VAV2: variants seen among roughly 807,000 people sequenced by gnomAD.
VAV2 encodes the protein vav guanine nucleotide exchange factor 2.
VAV2 carries 67 observed loss-of-function variants against 132.5 expected under a neutral mutation model. That is an observed-to-expected ratio of 0.51 (90% CI 0.42 to 0.62). VAV2 has a LOEUF of 0.62. VAV2 is among the 20% of genes least tolerant of loss of function. The probability of loss-of-function intolerance (pLI) is 0.00; values close to 1 mark genes in which losing one functional copy is unlikely to be tolerated. For missense variants in VAV2, 938 were observed against 1,153.6 expected, an observed-to-expected ratio of 0.81 and a Z score of 2.71; for synonymous variants, 492 against 443.5, an observed-to-expected ratio of 1.11 and a Z score of -1.37.
chr9:133,775,567 C>T (rs1833783318), intron 24 of VAV2, among the ~76,000 whole-genome samples: 2 of 152,144 alleles, frequency 1.3e-5, no homozygotes, highest in Non-Finnish European at 2.9e-5. Context: ...CAATGAAGCC[C>T]ACCCTGAGAG....
At chr9:133,858,434 A>G (rs1428338582) in intron 3 of VAV2, among the ~76,000 whole-genome samples, 2 of 152,144 alleles carry the variant, frequency 1.3e-5, no homozygotes, top group Non-Finnish European at 2.9e-5. Flanking sequence ...AGAAGGCTCT[A>G]TGGGGAGGGG....
intron 3 of VAV2, among the ~76,000 whole-genome samples, chr9:133,852,146 G>A (rs1159002401): frequency 1.3e-5 from 2 of 152,016 alleles, no homozygotes; most frequent in Admixed American, 6.6e-5. Context: ...TGGGTTGTAG[G>A]GTGCTTGAAT....
intron 13 of VAV2, among the ~76,000 whole-genome samples, chr9:133,790,069 T>A (rs968616643): frequency 6.6e-6 from 1 of 152,224 alleles, no homozygotes; most frequent in African/African-American, 2.4e-5. Flanking sequence ...TCCAGGCCTC[T>A]GATCTCAGCT....
intron 7 of VAV2, among the ~76,000 whole-genome samples, chr9:133,807,659 G>A (rs891226989): frequency 2.6e-5 from 4 of 152,216 alleles, no homozygotes; most frequent in Non-Finnish European, 5.9e-5. Context: ...AGACCCAGGA[G>A]GCAGGGCCAT....
chr9:133,874,121 C>G (rs1444494316), intron 2 of VAV2, among the ~76,000 whole-genome samples: 1 of 152,240 alleles, frequency 6.6e-6, no homozygotes, highest in Non-Finnish European at 1.5e-5. Flanking sequence ...GCCGCCCTGC[C>G]CTGGAGGGCC....
intron 12 of VAV2, among the ~76,000 whole-genome samples, chr9:133,792,940 G>C (rs1042429967): frequency 3.3e-5 from 5 of 152,102 alleles, no homozygotes; most frequent in Non-Finnish European, 7.4e-5. Flanking sequence ...CATCCTAATA[G>C]AGGGAAGCAG....
At chr9:133,770,148 G>A (rs2131566646) in intron 27 of VAV2, among the ~76,000 whole-genome samples, 1 of 152,356 alleles carries the variant, frequency 6.6e-6, no homozygotes, top group East Asian at 1.9e-4. Context: ...GGGTGAAGAA[G>A]CCAAGACACA....
At chr9:133,953,980 C>T (rs902584204) in intron 1 of VAV2, among the ~76,000 whole-genome samples, 2 of 152,134 alleles carry the variant, frequency 1.3e-5, no homozygotes, top group African/African-American at 4.8e-5. Context: ...CTTGCACAGG[C>T]AGGTGGCTCC....
Position 133,795,740 on chromosome 9 carries a change from G to C in VAV2, c.1033-4C>G, listed in dbSNP as rs751315434. On this transcript the variant is annotated splice_region_variant and splice_polypyrimidine_tract_variant and intron_variant, in intron 11 of 29. Transcript: ENST00000371850. ...CCGCAGAATGGCTCAGAAGCTCCTG[G>C]AAGGGTGAGAAGAGTGTCATGTGTT... 3.7e-6 allele frequency: 6 copies of C among 1,613,500 alleles called. No homozygotes were observed. Among genetic ancestry groups the C allele is most frequent in the Non-Finnish European group, 4.2e-6 (5 of 1,179,474 alleles).
chr9:133,929,798 G>T (rs949134888), intron 2 of VAV2, among the ~76,000 whole-genome samples: 1 of 152,048 alleles, frequency 6.6e-6, no homozygotes, highest in African/African-American at 2.4e-5. Flanking sequence ...TGTCCCCACT[G>T]CCAGTGCCCC....
At chr9:133,816,266 A>G (rs1434547543) in intron 4 of VAV2, among the ~76,000 whole-genome samples, 1 of 152,174 alleles carries the variant, frequency 6.6e-6, no homozygotes, top group Non-Finnish European at 1.5e-5. Flanking sequence ...CCCAGTCTCT[A>G]GCTTGGCTAT....
Position 133,769,308 on chromosome 9 carries a change from C to A in VAV2, c.2434+109G>T. 1 of 1,223,518 alleles carries A rather than the reference C, an allele frequency of 8.2e-7. No individual in the cohort carries two copies. The highest frequency in any genetic ancestry group is 2.6e-5 in the East Asian group (1 of 39,008). 75.8% of individuals were successfully genotyped at this position (1,223,518 alleles called of 1,614,324 possible). A position where few individuals can be genotyped will look rare whatever the true frequency, so the allele number is the denominator to read the frequency against. Reference sequence around the variant, plus strand: ...CCACCCAGTGCCAGACTGCGGACAACTGTGGCCACGTCAGGCAGGGCTGTG... The same window carrying A: ...CCACCCAGTGCCAGACTGCGGACAAATGTGGCCACGTCAGGCAGGGCTGTG... On this transcript the variant is annotated intron_variant, in intron 28 of 29. Transcript: ENST00000371850. This position sits in a 1 kb window ranked among gnomAD's most constrained non-coding sequence, Gnocchi z 8.1.
intron 1 of VAV2, among the ~76,000 whole-genome samples, chr9:133,990,497 C>G (rs1420834508): frequency 6.6e-6 from 1 of 152,186 alleles, no homozygotes; most frequent in Non-Finnish European, 1.5e-5. Flanking sequence ...CCAGGCAAGG[C>G]TGGGCTCCTC....
rs1230467415 is a variant in VAV2 at position 133,918,575 on chromosome 9, G to A, written c.321+20528C>T. Among the ~76,000 whole-genome samples the A allele has an allele frequency of 6.6e-6, 1 of 151,760 alleles. No individual in the cohort carries two copies. Among genetic ancestry groups the A allele is most frequent in the African/African-American group, 2.4e-5 (1 of 41,170 alleles). ...ATTCGTTCCTGCCTCACAACTCCAC[G>A]TGGCTGATACTGTTATGTCCATTTC... On this transcript the variant is annotated intron_variant, in intron 2 of 29. Coordinates refer to ENST00000371850, the MANE Select transcript of VAV2 (RefSeq NM_001134398.2). The surrounding 1 kb of genome is among the most constrained non-coding windows in gnomAD (Gnocchi z 4.7).
chr9:133,890,115 T>A (rs1196797212), intron 2 of VAV2, among the ~76,000 whole-genome samples: 4 of 150,644 alleles, frequency 2.7e-5, no homozygotes. Context: ...CAGGCAGGAG[T>A]GGCAGCCAGG....
intron 1 of VAV2, among the ~76,000 whole-genome samples, chr9:133,965,876 C>T (rs1015955286): frequency 6.6e-6 from 1 of 152,146 alleles, no homozygotes; most frequent in African/African-American, 2.4e-5. Context: ...TACCTGACTT[C>T]AAAACACACT....
At chr9:133,917,208 C>T (rs925865276) in intron 2 of VAV2, among the ~76,000 whole-genome samples, 22 of 152,280 alleles carry the variant, frequency 1.4e-4, no homozygotes, top group Admixed American at 5.2e-4. Flanking sequence ...CCCCGTCCTC[C>T]TCTTCCAGGG....
rs1040422507 is a variant in VAV2 at position 133,763,815 on chromosome 9, C to A, written c.*247G>T. The A allele has an allele frequency of 1.9e-5, 10 of 526,056 alleles. No homozygotes were observed. Among genetic ancestry groups the A allele is most frequent in the Middle Eastern group, 1.1e-3 (2 of 1,888 alleles). 32.6% of individuals were successfully genotyped at this position (526,056 alleles called of 1,614,324 possible). ...AGCGCTGTCGGTGCCCCCTCCTCTG[C>A]GCTCTGGGTGGGGCTAGCCCAGGTT... On this transcript the variant is annotated 3_prime_UTR_variant, in exon 30 of 30. Coordinates refer to ENST00000371850, the MANE Select transcript of VAV2 (RefSeq NM_001134398.2). This position sits in a 1 kb window ranked among gnomAD's most constrained non-coding sequence, Gnocchi z 6.8.
chr9:133,868,021 GGACA>G (rs1256252554), intron 2 of VAV2, among the ~76,000 whole-genome samples: 1 of 152,234 alleles, frequency 6.6e-6, no homozygotes, highest in Non-Finnish European at 1.5e-5. Context: ...AGTGCACCTC[GGACA>G]GACAGACCAG....
Sources: allele counts gnomAD v4.1 joint callset (sites outside exome capture counted in the v4.1 genomes callset), GRCh38; gene constraint gnomAD v4.1.1; non-coding constraint Gnocchi (gnomAD v3.1); transcripts MANE v1.5; gene names NCBI Gene and HGNC (gene_info 2026-07-23, HGNC 2026-07-21).